Variants in ATP8A1 observed in about 807,000 individuals in gnomAD.
ATP8A1 encodes phospholipid-transporting ATPase IA.
Under a neutral mutation model 177.7 loss-of-function variants are expected in ATP8A1, and 90 were observed. That is an observed-to-expected ratio of 0.51 (90% CI 0.43 to 0.60). ATP8A1 has a LOEUF of 0.60. ATP8A1 is among the 20% of genes least tolerant of loss of function. ATP8A1 has a pLI of 0.00. For missense variants in ATP8A1, 1,072 were observed against 1,392.8 expected, an observed-to-expected ratio of 0.77 and a Z score of 3.67; for synonymous variants, 493 against 485.9, an observed-to-expected ratio of 1.01 and a Z score of -0.19.
chr4:42,555,301 T>C (rs545292827), intron 16 of ATP8A1, among the ~76,000 whole-genome samples: 7 of 152,074 alleles, frequency 4.6e-5, no homozygotes, highest in Non-Finnish European at 1.0e-4. Flanking sequence ...ATTGTATATT[T>C]AGCCTATGGT....
chr4:42,464,548 C>A, intron 27 of ATP8A1, 142 bp downstream of exon 27: 1 of 551,468 alleles, frequency 1.8e-6, no homozygotes, highest in Non-Finnish European at 3.2e-6. Context: ...TACAGGCCAC[C>A]TTTTTGTTTT....
intron 33 of ATP8A1, among the ~76,000 whole-genome samples, chr4:42,426,314 C>T (rs1023341628): frequency 2.0e-5 from 3 of 152,182 alleles, no homozygotes; most frequent in African/African-American, 4.8e-5. Flanking sequence ...TACAAACTAA[C>T]GGCATGGTTC....
chr4:42,641,010 G>GA lies in ATP8A1; in HGVS notation c.50-13902dup, dbSNP rs10609874. ...ACGTACAGAGACTTCCCCCTCACCA[G>GA]AAAAAAAAAAAAAAAAAAGAACAAT... On this transcript the variant is annotated intron_variant, in intron 1 of 36. Transcript: ENST00000381668. Among the ~76,000 whole-genome samples the GA allele has an allele frequency of 8.2e-3, 1,015 of 123,400 alleles. 8 individuals carry two copies. The highest frequency in any genetic ancestry group is 0.017 in the African/African-American group (594 of 34,596). The allele number at this position is 123,400 out of a possible 152,430, so 81.0% of individuals were successfully genotyped here. A position where few individuals can be genotyped will look rare whatever the true frequency, so the allele number is the denominator to read the frequency against.
chr4:42,555,139 A>ATCTATCTAATCTATCT (rs1553903246), intron 16 of ATP8A1, among the ~76,000 whole-genome samples: 42 of 59,442 alleles, frequency 7.1e-4, no homozygotes, highest in East Asian at 3.0e-3. Context: ...CTATCTATCT[A>ATCTATCTAATCTATCT]ATCTATCTAT....
intron 4 of ATP8A1, among the ~76,000 whole-genome samples, chr4:42,621,727 T>C (rs898319358): frequency 3.3e-5 from 5 of 152,160 alleles, no homozygotes. Context: ...AATTTAACTA[T>C]TTAAAAATTC....
intron 14 of ATP8A1, among the ~76,000 whole-genome samples, chr4:42,572,216 C>A (rs899412836): frequency 2.0e-5 from 3 of 152,152 alleles, no homozygotes; most frequent in Admixed American, 2.0e-4. Context: ...GTTAAAAGTG[C>A]TCATACATAA....
At chr4:42,484,858 C>T (rs781394203) in intron 25 of ATP8A1, among the ~76,000 whole-genome samples, 5 of 152,122 alleles carry the variant, frequency 3.3e-5, no homozygotes, top group African/African-American at 4.8e-5. Context: ...TGGGCATATT[C>T]ATCATATTCA....
intron 33 of ATP8A1, among the ~76,000 whole-genome samples, chr4:42,442,580 T>C (rs1011709266): frequency 8.5e-5 from 13 of 152,350 alleles, no homozygotes; most frequent in Non-Finnish European, 1.2e-4. Context: ...GGTTTTGCTG[T>C]AATAGTATAT....
At chr4:42,461,716 G>A (rs1015077735) in intron 27 of ATP8A1, among the ~76,000 whole-genome samples, 1 of 152,226 alleles carries the variant, frequency 6.6e-6, no homozygotes, top group African/African-American at 2.4e-5. Context: ...AAACATGGAG[G>A]TGACTTTGGA....
In ATP8A1 at chr4:42,455,249, T is replaced by G. The variant is rs1333492171; in HGVS notation, c.2817+48A>C. The G allele has an allele frequency of 3.1e-6, 5 of 1,606,064 alleles. No individual in the cohort carries two copies. The South Asian group carries it at 5.6e-5, about 18-fold the overall frequency. On this transcript the variant is annotated intron_variant, in intron 29 of 36. Transcript: ENST00000381668. Reference sequence around the variant, plus strand: ...CACATACCCCATATAATGAGGGCAGTAAACACAGACCCACCAAACATGTCC... The same window carrying G: ...CACATACCCCATATAATGAGGGCAGGAAACACAGACCCACCAAACATGTCC...
chr4:42,628,084 G>A (rs112936249), intron 1 of ATP8A1, among the ~76,000 whole-genome samples: 1 of 152,154 alleles, frequency 6.6e-6, no homozygotes, highest in East Asian at 1.9e-4. Context: ...GCCATAGAGG[G>A]TGTGTTATTC....
chr4:42,636,264 G>A (rs181371156), intron 1 of ATP8A1, among the ~76,000 whole-genome samples: 10 of 152,230 alleles, frequency 6.6e-5, no homozygotes, highest in Non-Finnish European at 8.8e-5. Flanking sequence ...AGTACAGATA[G>A]TTCATTTAAT....
At chr4:42,502,858 T>A (rs1477972616) in intron 24 of ATP8A1, among the ~76,000 whole-genome samples, 1 of 152,242 alleles carries the variant, frequency 6.6e-6, no homozygotes, top group African/African-American at 2.4e-5. Context: ...TACTTTAATA[T>A]TAACAGGTCA....
chr4:42,437,864 C>T (rs976268659), intron 33 of ATP8A1, among the ~76,000 whole-genome samples: 2 of 152,180 alleles, frequency 1.3e-5, no homozygotes, highest in African/African-American at 4.8e-5. Context: ...GAATAGCTTT[C>T]TGGTCACTTC....
chr4:42,521,208 A>G (rs555732035), intron 22 of ATP8A1, among the ~76,000 whole-genome samples: 8 of 152,350 alleles, frequency 5.3e-5, no homozygotes, highest in Admixed American at 6.5e-5. Flanking sequence ...GCTATTGAAG[A>G]GTTATCTAAT....
chr4:42,529,297 C>T (rs747208330), intron 20 of ATP8A1, among the ~76,000 whole-genome samples: 3 of 152,138 alleles, frequency 2.0e-5, no homozygotes, highest in Non-Finnish European at 4.4e-5. Context: ...GGAGCAAGGC[C>T]CTGCCATAAT....
At chr4:42,459,845 A>C (rs958179008) in intron 27 of ATP8A1, among the ~76,000 whole-genome samples, 3 of 151,964 alleles carry the variant, frequency 2.0e-5, no homozygotes, top group Non-Finnish European at 4.4e-5. Context: ...GCTGGAGTGC[A>C]ATGGCGCGTG....
chr4:42,581,489 C>T, intron 10 of ATP8A1, 132 bp downstream of exon 10: 1 of 701,324 alleles, frequency 1.4e-6, no homozygotes, highest in South Asian at 1.6e-5. Flanking sequence ...GTACCAGATT[C>T]TGAACATATA....
At position 42,603,164 on chromosome 4, in the gene ATP8A1, A is replaced by C. The variant is rs534412813; in HGVS notation, c.410-2646T>G. 2.0e-5 allele frequency among the ~76,000 whole-genome samples: 3 copies of C among 152,306 alleles called. No homozygotes were observed. The South Asian group carries it at 6.2e-4, about 32-fold the overall frequency. On this transcript the variant is annotated intron_variant, in intron 5 of 36. Coordinates refer to ENST00000381668, the MANE Select transcript of ATP8A1 (RefSeq NM_006095.2). ...AGGATGAATAAGCTCCAGAGAACAC[A>C]CTATCTTCCTGGAATTTGATTTGGG...
Sources: gnomAD v4.1 joint callset for allele counts (sites outside exome capture counted in the v4.1 genomes callset) on GRCh38, gnomAD v4.1.1 for gene constraint, MANE v1.5 for transcripts, NCBI Gene and HGNC (gene_info 2026-07-23, HGNC 2026-07-21) for gene names.